Variants in CSMD1 observed in about 807,000 individuals in gnomAD.
The protein encoded by CSMD1 is CUB and sushi domain-containing protein 1.
A neutral mutation model predicts 417.5 loss-of-function variants in CSMD1; 213 were observed. The observed-to-expected ratio is 0.51, with a 90% CI of 0.46 to 0.57. The LOEUF (loss-of-function observed/expected upper bound fraction) is 0.57, where lower values mean the gene tolerates loss of function less well. CSMD1 is among the 20% of genes least tolerant of loss of function. The pLI is 0.00. For synonymous variants in CSMD1, 2,862 were observed against 1,736.8 expected, an observed-to-expected ratio of 1.65 and a Z score of -16.11; for missense variants, 6,923 against 4,529.7, an observed-to-expected ratio of 1.53 and a Z score of -15.17.
At chr8:3,403,538 G>C (rs1340612531) in intron 15 of CSMD1, among the ~76,000 whole-genome samples, 1 of 152,168 alleles carries the variant, frequency 6.6e-6, no homozygotes, top group East Asian at 1.9e-4. Context: ...GCTGGGTTTT[G>C]CCTTTAACCT....
intron 3 of CSMD1, among the ~76,000 whole-genome samples, chr8:4,072,642 T>A (rs934481922): frequency 1.3e-4 from 20 of 152,218 alleles, no homozygotes; most frequent in Non-Finnish European, 2.1e-4. Context: ...AACATCCACA[T>A]GATTAAGGAA....
intron 3 of CSMD1, among the ~76,000 whole-genome samples, chr8:4,361,761 C>G (rs1041587205): frequency 1.3e-5 from 2 of 151,626 alleles, no homozygotes; most frequent in African/African-American, 4.8e-5. Flanking sequence ...CGAGACCATC[C>G]TGGCTAACAC....
At chr8:4,283,794 A>C (rs965474577) in intron 3 of CSMD1, among the ~76,000 whole-genome samples, 1 of 152,236 alleles carries the variant, frequency 6.6e-6, no homozygotes, top group Non-Finnish European at 1.5e-5. Flanking sequence ...AATAAAAAAA[A>C]AAATCCGCTT....
chr8:4,230,447 A>C (rs1319056137), intron 3 of CSMD1, among the ~76,000 whole-genome samples: 1 of 152,210 alleles, frequency 6.6e-6, no homozygotes, highest in Non-Finnish European at 1.5e-5. Context: ...CATATTTATT[A>C]AATTATATCC....
chr8:3,377,893 GT>G (rs773368326), intron 18 of CSMD1, among the ~76,000 whole-genome samples: 14 of 152,158 alleles, frequency 9.2e-5, no homozygotes, highest in Non-Finnish European at 2.1e-4. Context: ...GTAAACACAT[GT>G]TATATTATCT....
intron 1 of CSMD1, among the ~76,000 whole-genome samples, chr8:4,686,685 G>A (rs920705101): frequency 7.9e-5 from 12 of 152,152 alleles, no homozygotes; most frequent in Non-Finnish European, 1.6e-4. Flanking sequence ...ATTTCCTTAC[G>A]AAGGCTCATA....
At chr8:3,630,800 G>T (rs1285077502) in intron 7 of CSMD1, among the ~76,000 whole-genome samples, 1 of 152,170 alleles carries the variant, frequency 6.6e-6, no homozygotes, top group Non-Finnish European at 1.5e-5. Context: ...AACACATCAC[G>T]ATTTGGAAGG....
At chr8:4,569,890 T>A (rs1165930545) in intron 2 of CSMD1, among the ~76,000 whole-genome samples, 2 of 152,244 alleles carry the variant, frequency 1.3e-5, no homozygotes, top group Non-Finnish European at 1.5e-5. Flanking sequence ...AGATATTTTA[T>A]TCTCTTTGTA....
chr8:3,289,252 G>C (rs556904065), intron 25 of CSMD1, among the ~76,000 whole-genome samples: 1 of 147,072 alleles, frequency 6.8e-6, no homozygotes, highest in South Asian at 2.1e-4. Context: ...TTGGTTCCAC[G>C]TCTTTGCTAT....
At chr8:3,325,633 G>A (rs1020843963) in intron 23 of CSMD1, among the ~76,000 whole-genome samples, 3 of 152,170 alleles carry the variant, frequency 2.0e-5, no homozygotes, top group African/African-American at 7.2e-5. Flanking sequence ...AGACCAGCCT[G>A]CTCAGCGTGG....
chr8:4,794,490 G>A (rs950686135), intron 1 of CSMD1, among the ~76,000 whole-genome samples: 2 of 152,130 alleles, frequency 1.3e-5, no homozygotes, highest in African/African-American at 2.4e-5. Flanking sequence ...TGGGCAGCAA[G>A]TCACTGTGTT....
intron 23 of CSMD1, among the ~76,000 whole-genome samples, chr8:3,331,078 A>T (rs1806861452): frequency 1.3e-5 from 2 of 152,026 alleles, no homozygotes; most frequent in Non-Finnish European, 2.9e-5. Flanking sequence ...CTCTACTAAA[A>T]ATACAAAAAA....
chr8:3,428,728 A>G (rs1814015069), intron 12 of CSMD1, among the ~76,000 whole-genome samples: 1 of 152,220 alleles, frequency 6.6e-6, no homozygotes, highest in South Asian at 2.1e-4. Context: ...AAATGAAATC[A>G]GTACATGGAA....
intron 2 of CSMD1, among the ~76,000 whole-genome samples, chr8:4,456,141 G>A (rs190687691): frequency 4.0e-5 from 6 of 150,674 alleles, no homozygotes; most frequent in Admixed American, 2.0e-4. Flanking sequence ...ATGCTGAGAG[G>A]GTTAACAGAG....
chr8:2,974,777 T>C (rs1344297482), intron 55 of CSMD1, among the ~76,000 whole-genome samples, 153 bp from the exon 56 acceptor site: 1 of 152,224 alleles, frequency 6.6e-6, no homozygotes, highest in Non-Finnish European at 1.5e-5. Flanking sequence ...GAAATACCAA[T>C]TTTCAGATGA....
intron 1 of CSMD1, among the ~76,000 whole-genome samples, chr8:4,638,767 C>T (rs967279342): frequency 6.6e-6 from 1 of 152,154 alleles, no homozygotes; most frequent in Non-Finnish European, 1.5e-5. Context: ...TTAGGATTGA[C>T]ATGACAATGG....
Position 3,282,088 on chromosome 8 carries a change from A to T in CSMD1, c.4153+2056T>A, listed in dbSNP as rs905575815. ...GTACAGCCTGCTGAGTTGTGACTCA[A>T]TTAAACCTCTTTTCTTGATAAATTA... is the stretch of plus-strand genomic sequence containing the variant. On this transcript the variant is annotated intron_variant, in intron 26 of 69. Transcript: ENST00000635120. 2.0e-5 allele frequency among the ~76,000 whole-genome samples: 3 copies of T among 152,204 alleles called. No individual in the cohort carries two copies. In the South Asian group the frequency reaches 6.2e-4, roughly 31 times the overall value.
At chr8:4,072,473 G>C (rs1160399203) in intron 3 of CSMD1, among the ~76,000 whole-genome samples, 1 of 152,086 alleles carries the variant, frequency 6.6e-6, no homozygotes, top group South Asian at 2.1e-4. Flanking sequence ...TTTCGCACTT[G>C]TAGTGAAGGG....
At chr8:4,099,915 C>CA (rs1801218664) in intron 3 of CSMD1, among the ~76,000 whole-genome samples, 2 of 152,098 alleles carry the variant, frequency 1.3e-5, no homozygotes, top group Admixed American at 6.5e-5. Flanking sequence ...ACTTTTCTAA[C>CA]AAAAAATCAA....
Sources: allele counts gnomAD v4.1 joint callset (sites outside exome capture counted in the v4.1 genomes callset), GRCh38; gene constraint gnomAD v4.1.1; transcripts MANE v1.5; gene names NCBI Gene and HGNC (gene_info 2026-07-23, HGNC 2026-07-21).